DNAJC11: variants seen among roughly 807,000 people sequenced by gnomAD.
DNAJC11 encodes dnaJ homolog subfamily C member 11.
DNAJC11 carries 15 observed loss-of-function variants against 78.6 expected under a neutral mutation model. The ratio of observed to expected loss-of-function variants is 0.19; its 90% CI spans 0.13 to 0.29. DNAJC11 has a LOEUF of 0.29. DNAJC11 is among the 10% of genes least tolerant of loss of function. The probability of loss-of-function intolerance (pLI) is 1.00; values close to 1 mark genes in which losing one functional copy is unlikely to be tolerated. For missense variants in DNAJC11, 547 were observed against 709.6 expected (o/e 0.77, Z 2.60); for synonymous variants, 292 against 272.1 (o/e 1.07, Z -0.72).
intron 2 of DNAJC11, among the ~76,000 whole-genome samples, chr1:6,679,062 G>C (rs1458525933): frequency 1.3e-5 from 2 of 152,232 alleles, no homozygotes; most frequent in African/African-American, 4.8e-5. Context: ...CACCATGCAG[G>C]AAGTGGCACG....
At chr1:6,675,500 C>T (rs755804133) in intron 3 of DNAJC11, among the ~76,000 whole-genome samples, 4 of 152,108 alleles carry the variant, frequency 2.6e-5, no homozygotes, top group Non-Finnish European at 4.4e-5. Context: ...ACTGAAACCT[C>T]GACCTCCTTA....
chr1:6,687,834 G>C (rs1642681945), intron 1 of DNAJC11, among the ~76,000 whole-genome samples: 1 of 152,146 alleles, frequency 6.6e-6, no homozygotes. Context: ...ACAACATCAA[G>C]CACTGTGTAG....
At chr1:6,676,497 T>C (rs1036895104) in intron 3 of DNAJC11, among the ~76,000 whole-genome samples, 9 of 151,554 alleles carry the variant, frequency 5.9e-5, no homozygotes, top group Non-Finnish European at 1.3e-4. Flanking sequence ...CTGGGCAACA[T>C]AGAAAGACCC....
intron 1 of DNAJC11, among the ~76,000 whole-genome samples, chr1:6,688,983 G>A (rs767325057): frequency 2.0e-5 from 3 of 152,104 alleles, no homozygotes; most frequent in Non-Finnish European, 2.9e-5. Context: ...CTTCCTCTGC[G>A]GTGGAAGAGG....
intron 1 of DNAJC11, among the ~76,000 whole-genome samples, chr1:6,697,981 G>A (rs542823057): frequency 1.3e-5 from 2 of 152,146 alleles, no homozygotes; most frequent in South Asian, 2.1e-4. Flanking sequence ...TAGTACAGAC[G>A]GGGTTTCACC....
chr1:6,662,132 T>G (rs1184848630), intron 4 of DNAJC11, among the ~76,000 whole-genome samples: 3 of 146,800 alleles, frequency 2.0e-5, no homozygotes, highest in South Asian at 2.2e-4. Flanking sequence ...TTTTTTGTTT[T>G]TTGTTTTTTT....
rs959221179 is a variant in DNAJC11 at position 6,680,574 on chromosome 1, CA to C, written c.202+333del. ...TTGTATCTTCTAACAAAAAAGAGAA[CA>C]AAGAAACCTTCCCTGTAACGATCAG... On this transcript the variant is annotated intron_variant, in intron 2 of 15. Coordinates refer to ENST00000377577, the MANE Select transcript of DNAJC11 (RefSeq NM_018198.4). This position sits in a 1 kb window ranked among gnomAD's most constrained non-coding sequence, Gnocchi z 4.0. Among the ~76,000 whole-genome samples the C allele has an allele frequency of 5.9e-5, 9 of 152,088 alleles. No homozygotes were observed. Among genetic ancestry groups the C allele is most frequent in the African/African-American group, 2.2e-4 (9 of 41,410 alleles).
chr1:6,652,192 G>A lies in DNAJC11; in HGVS notation c.631-590C>T, dbSNP rs149582566. Among the ~76,000 whole-genome samples, 8 of 152,326 alleles carry A rather than the reference G, an allele frequency of 5.3e-5. No homozygotes were observed. In the East Asian group the frequency reaches 1.5e-3, roughly 29 times the overall value. ...ATGTTAATTTGATGCAGCTCAATTT[G>A]CTCGGCAGAACTGGCTGTTAAATGG... On this transcript the variant is annotated intron_variant, in intron 6 of 15. Coordinates refer to ENST00000377577, the MANE Select transcript of DNAJC11 (RefSeq NM_018198.4).
At chr1:6,637,901 C>T (rs555566200) in intron 12 of DNAJC11, 5 of 406,472 alleles carry the variant, frequency 1.2e-5, no homozygotes, top group Admixed American at 8.2e-5. Context: ...CTGTGTTCTC[C>T]TGTGGTGCCA....
chr1:6,636,604 TAAAC>T (rs1232581325), intron 14 of DNAJC11, among the ~76,000 whole-genome samples: 3 of 152,106 alleles, frequency 2.0e-5, no homozygotes, highest in Admixed American at 2.0e-4. Flanking sequence ...GAGGCAAAAA[TAAAC>T]AGAATCAAAT....
chr1:6,661,871 T>C (rs1480320076), intron 4 of DNAJC11, among the ~76,000 whole-genome samples: 1 of 152,220 alleles, frequency 6.6e-6, no homozygotes, highest in African/African-American at 2.4e-5. Context: ...AATCAAGTGA[T>C]GCACGCTTAC....
intron 3 of DNAJC11, among the ~76,000 whole-genome samples, chr1:6,674,974 A>G (rs1469448209): frequency 6.6e-6 from 1 of 152,228 alleles, no homozygotes; most frequent in Non-Finnish European, 1.5e-5. Flanking sequence ...GAAGAGTTTA[A>G]CAGTCTAAAA....
At position 6,648,792 on chromosome 1, in the gene DNAJC11, ATC is replaced by A. The variant is rs539968038; in HGVS notation, c.704+2735_704+2736del. On this transcript the variant is annotated intron_variant, in intron 7 of 15. Coordinates refer to ENST00000377577, the MANE Select transcript of DNAJC11 (RefSeq NM_018198.4). ...TTTTAACCAGCATCTGGGGTGACCA[ATC>A]TAAGTAGACAGGGTCAGGACAACAC... Among the ~76,000 whole-genome samples, 677 of 152,236 alleles carry A rather than the reference ATC, an allele frequency of 4.4e-3. 5 individuals are homozygous for A. Among genetic ancestry groups the A allele is most frequent in the Middle Eastern group, 0.01 (3 of 294 alleles).
At chr1:6,643,041 G>A (rs1641901706) in intron 10 of DNAJC11, among the ~76,000 whole-genome samples, 2 of 152,058 alleles carry the variant, frequency 1.3e-5, no homozygotes, top group South Asian at 4.2e-4. Context: ...AGCAGGGCGT[G>A]GTATCCTGGA....
At chr1:6,669,513 T>TAAGAAAAGAAA (rs535333392) in intron 3 of DNAJC11, among the ~76,000 whole-genome samples, 1 of 121,782 alleles carries the variant, frequency 8.2e-6, no homozygotes, top group Non-Finnish European at 1.7e-5. Flanking sequence ...AACTCTGTCT[T>TAAGAAAAGAAA]AGAAAAGAAA....
At chr1:6,647,246 TAATA>T (rs1480381268) in intron 7 of DNAJC11, among the ~76,000 whole-genome samples, 3 of 151,932 alleles carry the variant, frequency 2.0e-5, no homozygotes, top group Non-Finnish European at 4.4e-5. Context: ...CATGTCCGGT[TAATA>T]TTTTGTATTT....
intron 1 of DNAJC11, among the ~76,000 whole-genome samples, chr1:6,690,652 T>C (rs188683368): frequency 7.9e-5 from 12 of 152,274 alleles, no homozygotes; most frequent in Admixed American, 2.6e-4. Context: ...TGCCTGGGCG[T>C]GGTGGCTCAC....
intron 4 of DNAJC11, among the ~76,000 whole-genome samples, chr1:6,664,019 CAT>C (rs1491251318): frequency 2.6e-5 from 4 of 152,236 alleles, no homozygotes; most frequent in Admixed American, 6.5e-5. Context: ...TGTGTTCCTG[CAT>C]GTGTGTGTGT....
At chr1:6,696,569 G>T (rs933864986) in intron 1 of DNAJC11, among the ~76,000 whole-genome samples, 1 of 152,136 alleles carries the variant, frequency 6.6e-6, no homozygotes, top group African/African-American at 2.4e-5. Context: ...CTGCAGCTAA[G>T]GAAACCCCAA....
Sources: allele counts gnomAD v4.1 joint callset (sites outside exome capture counted in the v4.1 genomes callset), GRCh38; gene constraint gnomAD v4.1.1; non-coding constraint Gnocchi (gnomAD v3.1); transcripts MANE v1.5; gene names NCBI Gene and HGNC (gene_info 2026-07-23, HGNC 2026-07-21).